ZFAT: variants seen among roughly 807,000 people sequenced by gnomAD.
ZFAT encodes the protein zinc finger protein ZFAT.
A neutral mutation model predicts 117.7 loss-of-function variants in ZFAT; 64 were observed. The observed-to-expected ratio is 0.54, with a 90% CI of 0.44 to 0.67. ZFAT has a LOEUF of 0.67. ZFAT is among the 30% of genes least tolerant of loss of function. The probability of loss-of-function intolerance (pLI) is 0.00; values close to 1 mark genes in which losing one functional copy is unlikely to be tolerated. For synonymous variants in ZFAT, 679 were observed against 615.0 expected (o/e 1.10, Z -1.54); for missense variants, 1,433 against 1,584.5 (o/e 0.90, Z 1.62).
chr8:134,672,647 A>G (rs1175358932), intron 1 of ZFAT, among the ~76,000 whole-genome samples: 4 of 152,252 alleles, frequency 2.6e-5, no homozygotes, highest in Non-Finnish European at 5.9e-5. Flanking sequence ...AATGAAAAAA[A>G]GTCTGTAGAG....
chr8:134,675,825 T>A (rs1832771893), intron 1 of ZFAT, among the ~76,000 whole-genome samples: 1 of 152,120 alleles, frequency 6.6e-6, no homozygotes, highest in African/African-American at 2.4e-5. Context: ...AACCCAGAAT[T>A]TCATATCCGG....
the ZFAT span, among the ~76,000 whole-genome samples, chr8:134,740,374 C>G: frequency 2.0e-5 from 3 of 152,228 alleles, no homozygotes; most frequent in African/African-American, 7.2e-5. Context: ...TTGTGCTACC[C>G]ACAGCGTGGT....
intron 5 of ZFAT, among the ~76,000 whole-genome samples, chr8:134,607,590 G>A (rs931196708): frequency 6.6e-6 from 1 of 152,210 alleles, no homozygotes; most frequent in Non-Finnish European, 1.5e-5. Flanking sequence ...CAGCACATAA[G>A]AGGTGTTCAA....
chr8:134,717,496 T>TTTTTTG, upstream of ZFAT, among the ~76,000 whole-genome samples: 1 of 112,610 alleles, frequency 8.9e-6, no homozygotes, highest in Non-Finnish European at 1.7e-5. Flanking sequence ...TTTTTTTTTT[T>TTTTTTG]TTTTTGAGAC....
the ZFAT span, among the ~76,000 whole-genome samples, chr8:134,819,976 C>T: frequency 1.3e-5 from 2 of 152,100 alleles, no homozygotes; most frequent in Non-Finnish European, 2.9e-5. Flanking sequence ...AATTTAAATG[C>T]TCACAAATAA....
intron 1 of ZFAT, among the ~76,000 whole-genome samples, chr8:134,660,391 G>A (rs1007509879): frequency 6.6e-6 from 1 of 152,210 alleles, no homozygotes; most frequent in African/African-American, 2.4e-5. Context: ...AGCAAAGAGC[G>A]TAATCCCCAA....
the ZFAT span, among the ~76,000 whole-genome samples, chr8:134,832,029 G>A: frequency 1.3e-5 from 2 of 149,504 alleles, no homozygotes; most frequent in African/African-American, 2.4e-5. Flanking sequence ...GCCCGCCGCG[G>A]CCCCCACCCT....
chr8:134,569,187 T>G (rs11166599), intron 10 of ZFAT, among the ~76,000 whole-genome samples: 4 of 151,818 alleles, frequency 2.6e-5, no homozygotes, highest in African/African-American at 7.3e-5. Context: ...ACCCAGGAGG[T>G]GGGCAGTGTC....
the ZFAT span, among the ~76,000 whole-genome samples, chr8:134,778,832 T>C: frequency 6.6e-6 from 1 of 151,990 alleles, no homozygotes; most frequent in Non-Finnish European, 1.5e-5. Flanking sequence ...AAACAGGACA[T>C]GGTGGGGAAG....
chr8:134,583,651 T>G (rs1013962368), intron 10 of ZFAT, among the ~76,000 whole-genome samples, 181 bp downstream of exon 10: 1 of 152,140 alleles, frequency 6.6e-6, no homozygotes, highest in African/African-American at 2.4e-5. Context: ...CTGCTGGAAG[T>G]GAGGCACTGA....
intron 2 of ZFAT, among the ~76,000 whole-genome samples, chr8:134,649,905 G>A (rs1211026257): frequency 1.3e-5 from 2 of 152,008 alleles, no homozygotes; most frequent in South Asian, 2.1e-4. Context: ...CACTGGGGCA[G>A]TTTCCCCCAT....
the ZFAT span, among the ~76,000 whole-genome samples, chr8:134,744,937 G>T: frequency 1.2e-3 from 176 of 151,404 alleles, no homozygotes; most frequent in African/African-American, 4.1e-3. Flanking sequence ...CACCATGTTA[G>T]CCAGGATGGT....
chr8:134,684,309 T>TA (rs1833211323), intron 1 of ZFAT, among the ~76,000 whole-genome samples: 1 of 152,170 alleles, frequency 6.6e-6, no homozygotes, highest in Non-Finnish European at 1.5e-5. Flanking sequence ...CAACAGGAAT[T>TA]ACATGTGTAA....
At chr8:134,537,635 T>A (rs1821937659) in intron 11 of ZFAT, among the ~76,000 whole-genome samples, 1 of 152,074 alleles carries the variant, frequency 6.6e-6, no homozygotes, top group South Asian at 2.1e-4. Context: ...ATGGCCAACT[T>A]CCCATTTTGA....
chr8:134,499,232 G>T (rs1422540448), intron 15 of ZFAT, among the ~76,000 whole-genome samples: 1 of 129,358 alleles, frequency 7.7e-6, no homozygotes, highest in African/African-American at 2.9e-5. Context: ...TGCCCCCGTT[G>T]CTGGTTACAC....
intron 1 of ZFAT, among the ~76,000 whole-genome samples, chr8:134,659,970 C>T (rs568493056): frequency 3.9e-5 from 6 of 152,326 alleles, no homozygotes; most frequent in Non-Finnish European, 7.3e-5. Flanking sequence ...AACATTGCTT[C>T]GCCAATGAAA....
the ZFAT span, among the ~76,000 whole-genome samples, chr8:134,721,241 C>G: frequency 6.6e-6 from 1 of 152,182 alleles, no homozygotes; most frequent in Admixed American, 6.5e-5. Context: ...GCCGCATGTC[C>G]CAGGGTTTCT....
chr8:134,707,703 T>A (rs1462655202), intron 1 of ZFAT, among the ~76,000 whole-genome samples: 2 of 152,194 alleles, frequency 1.3e-5, no homozygotes, highest in South Asian at 2.1e-4. Flanking sequence ...CCCTTTCTTA[T>A]TCAGACAACC....
intron 2 of ZFAT, among the ~76,000 whole-genome samples, chr8:134,657,030 G>A (rs2467025): frequency 0.1 from 15,879 of 152,254 alleles, 1,129 homozygotes; most frequent in East Asian, 0.31. Flanking sequence ...AGGTTTATAG[G>A]AACAGTTGGA....
Sources: gnomAD v4.1 joint callset for allele counts (sites outside exome capture counted in the v4.1 genomes callset) on GRCh38, gnomAD v4.1.1 for gene constraint, MANE v1.5 for transcripts, NCBI Gene and HGNC (gene_info 2026-07-23, HGNC 2026-07-21) for gene names.